KAZN: variants seen among roughly 807,000 people sequenced by gnomAD.
The protein encoded by KAZN is kazrin.
Under a neutral mutation model 87.4 loss-of-function variants are expected in KAZN, and 40 were observed. The observed-to-expected ratio is 0.46, with a 90% CI of 0.36 to 0.60. The LOEUF is 0.60. Ranked by LOEUF, KAZN falls within the 20% of genes least tolerant of loss-of-function variation. KAZN has a pLI of 0.00. For synonymous variants in KAZN, 466 were observed against 458.3 expected, an observed-to-expected ratio of 1.02 and a Z score of -0.22; for missense variants, 898 against 1,073.9, an observed-to-expected ratio of 0.84 and a Z score of 2.29.
chr1:14,563,357 T>C (rs1571941224), intron 2 of KAZN, among the ~76,000 whole-genome samples: 1 of 152,328 alleles, frequency 6.6e-6, no homozygotes, highest in Middle Eastern at 3.4e-3. Flanking sequence ...AGTGGCTCCA[T>C]GGTGTGACCA....
At chr1:14,979,142 G>T (rs1665975033) in intron 2 of KAZN, among the ~76,000 whole-genome samples, 1 of 151,932 alleles carries the variant, frequency 6.6e-6, no homozygotes, top group African/African-American at 2.4e-5. Flanking sequence ...AATCTCAGGT[G>T]ATCCACCTGA....
chr1:13,999,329 C>T (rs900225629), intron 1 of KAZN, among the ~76,000 whole-genome samples: 45 of 149,998 alleles, frequency 3.0e-4, no homozygotes, highest in African/African-American at 4.9e-4. Context: ...GCCTGGGTGA[C>T]GGTGCAAGAC....
chr1:14,374,451 C>G (rs1660743112), intron 2 of KAZN, among the ~76,000 whole-genome samples: 1 of 152,204 alleles, frequency 6.6e-6, no homozygotes, highest in Non-Finnish European at 1.5e-5. Context: ...GGATGAGGAG[C>G]TTCGGGAAAA....
intron 2 of KAZN, among the ~76,000 whole-genome samples, chr1:14,483,976 C>T: frequency 6.6e-6 from 1 of 152,196 alleles, no homozygotes; most frequent in Non-Finnish European, 1.5e-5. Flanking sequence ...GATTCTCCCG[C>T]ATGTGGATAT....
chr1:13,911,229 G>A (rs1294427527), intron 1 of KAZN, among the ~76,000 whole-genome samples: 1 of 152,102 alleles, frequency 6.6e-6, no homozygotes, highest in African/African-American at 2.4e-5. Flanking sequence ...TTGTATTTAT[G>A]GTAGAGACGG....
In KAZN at chr1:14,519,827, A is replaced by C. The variant is rs74057806; in HGVS notation, c.250-79156A>C. Among the ~76,000 whole-genome samples, 686 of 152,126 alleles carry C rather than the reference A, an allele frequency of 4.5e-3. 6 individuals are homozygous for C. Among genetic ancestry groups the C allele is most frequent in the African/African-American group, 0.016 (648 of 41,494 alleles). On this transcript the variant is annotated intron_variant, in intron 2 of 16. Transcript: ENST00000636203. ...GTCTGGCATGACCCAGCAGCAGGAG[A>C]AATGTCTGAGCTAGAAGTGGATAGG...
intron 8 of KAZN, among the ~76,000 whole-genome samples, chr1:15,071,416 T>A (rs1639502096): frequency 6.6e-6 from 1 of 152,046 alleles, no homozygotes. Context: ...CACACCCGGC[T>A]ACTTTTTGTG....
intron 1 of KAZN, among the ~76,000 whole-genome samples, chr1:14,697,556 G>T (rs929392461): frequency 1.3e-5 from 2 of 152,074 alleles, no homozygotes; most frequent in African/African-American, 2.4e-5. Flanking sequence ...CCTCTCTCAT[G>T]GCTCTGTGAT....
At chr1:14,185,774 T>TA (rs1646290931) in intron 2 of KAZN, among the ~76,000 whole-genome samples, 1 of 152,222 alleles carries the variant, frequency 6.6e-6, no homozygotes, top group Admixed American at 6.5e-5. Flanking sequence ...AAATGGAGGA[T>TA]AAGACATAAA....
intron 2 of KAZN, among the ~76,000 whole-genome samples, chr1:14,465,743 C>T (rs115655592): frequency 0.011 from 1,665 of 152,236 alleles, 20 homozygotes; most frequent in Middle Eastern, 0.027. Context: ...CTTCACTTTA[C>T]GACATGTCAG....
At chr1:14,206,319 G>T (rs1374190117) in intron 2 of KAZN, among the ~76,000 whole-genome samples, 1 of 152,062 alleles carries the variant, frequency 6.6e-6, no homozygotes, top group Non-Finnish European at 1.5e-5. Flanking sequence ...CAGAATAATT[G>T]TACTTATATT....
chr1:14,596,222 A>C (rs1183917838), upstream of KAZN, among the ~76,000 whole-genome samples: 1 of 152,164 alleles, frequency 6.6e-6, no homozygotes, highest in African/African-American at 2.4e-5. Flanking sequence ...TTCCCAGTGA[A>C]GTGGGAGAGA....
chr1:14,602,444 G>T (rs1677053851), intron 1 of KAZN, among the ~76,000 whole-genome samples: 1 of 152,146 alleles, frequency 6.6e-6, no homozygotes, highest in Non-Finnish European at 1.5e-5. Flanking sequence ...GGGTCGGTGG[G>T]GTCACGGCAG....
At chr1:13,893,781 T>C in intron 1 of KAZN, 1 of 1,549,592 alleles carries the variant, frequency 6.5e-7, no homozygotes, top group Non-Finnish European at 8.7e-7. Context: ...GTGTGTCATG[T>C]GCCCAGAGAA....
chr1:14,620,677 G>A (rs1302819149), intron 1 of KAZN, among the ~76,000 whole-genome samples: 1 of 152,158 alleles, frequency 6.6e-6, no homozygotes, highest in Non-Finnish European at 1.5e-5. Context: ...GTGGGCAAGA[G>A]GCCTTCTCAA....
chr1:13,972,228 G>T (rs1403250463), intron 1 of KAZN, among the ~76,000 whole-genome samples: 1 of 151,214 alleles, frequency 6.6e-6, no homozygotes, highest in East Asian at 1.9e-4. Flanking sequence ...AAATACTAAT[G>T]AACATCCATG....
At chr1:14,570,247 G>A (rs1217606882) in intron 2 of KAZN, among the ~76,000 whole-genome samples, 2 of 152,114 alleles carry the variant, frequency 1.3e-5, no homozygotes, top group East Asian at 3.8e-4. Context: ...CTTTTTAACA[G>A]CTTTATTAGG....
intron 2 of KAZN, among the ~76,000 whole-genome samples, chr1:15,027,008 C>T (rs1671229464): frequency 6.6e-6 from 1 of 150,380 alleles, no homozygotes; most frequent in Admixed American, 6.6e-5. Flanking sequence ...CTGTCAGCTG[C>T]CGTCTACAGA....
chr1:14,969,889 C>T (rs1664835150), intron 2 of KAZN, among the ~76,000 whole-genome samples: 1 of 152,178 alleles, frequency 6.6e-6, no homozygotes, highest in Non-Finnish European at 1.5e-5. Context: ...TCTTGGCTCA[C>T]TGCAACCTCT....
Sources: gnomAD v4.1 joint callset for allele counts (sites outside exome capture counted in the v4.1 genomes callset) on GRCh38, gnomAD v4.1.1 for gene constraint, MANE v1.5 for transcripts, NCBI Gene and HGNC (gene_info 2026-07-23, HGNC 2026-07-21) for gene names.